Variants in METTL15 observed in about 807,000 individuals in gnomAD.
METTL15 encodes 12S rRNA N(4)-cytidine methyltransferase METTL15.
METTL15 carries 34 observed loss-of-function variants against 38.3 expected under a neutral mutation model. The ratio of observed to expected loss-of-function variants is 0.89; its 90% CI spans 0.68 to 1.18. METTL15 has a LOEUF of 1.18. Ranked by LOEUF, METTL15 falls within the 50% of genes most tolerant of loss-of-function variation. The pLI is 0.00. For missense variants in METTL15, 438 were observed against 498.4 expected (o/e 0.88, Z 1.15); for synonymous variants, 162 against 170.9 (o/e 0.95, Z 0.41).
intron 5 of METTL15, among the ~76,000 whole-genome samples, chr11:28,295,918 G>A (rs1375386016): frequency 1.3e-5 from 2 of 152,052 alleles, no homozygotes; most frequent in African/African-American, 4.8e-5. Flanking sequence ...TGCACCATTA[G>A]CAAAGCTATT....
At chr11:28,392,546 A>T (rs2133395174) in intron 5 of METTL15, among the ~76,000 whole-genome samples, 1 of 152,276 alleles carries the variant, frequency 6.6e-6, no homozygotes, top group Non-Finnish European at 1.5e-5. Context: ...GTAAGATGTG[A>T]AACTATGCCA....
chr11:28,504,314 G>A (rs1236566913), intron 6 of METTL15, among the ~76,000 whole-genome samples: 2 of 151,568 alleles, frequency 1.3e-5, no homozygotes, highest in Middle Eastern at 3.2e-3. Flanking sequence ...ACTACAACTT[G>A]AGCTAGTAGG....
intron 3 of METTL15, among the ~76,000 whole-genome samples, chr11:28,209,241 A>G (rs1270399717): frequency 1.3e-5 from 2 of 151,992 alleles, no homozygotes; most frequent in Non-Finnish European, 2.9e-5. Context: ...ATCTACTTTT[A>G]GTTTAAATCT....
chr11:28,197,590 T>C, intron 3 of METTL15: 1 of 399,820 alleles, frequency 2.5e-6, no homozygotes, highest in Non-Finnish European at 5.2e-6. Context: ...GGTGGTATAG[T>C]ATGGCCTTTT....
intron 6 of METTL15, among the ~76,000 whole-genome samples, chr11:28,303,681 A>G (rs915412043): frequency 6.6e-6 from 1 of 152,162 alleles, no homozygotes; most frequent in Non-Finnish European, 1.5e-5. Context: ...ATGCTTGTTG[A>G]ACAAATAAAT....
chr11:28,198,079 A>G (rs910470710), intron 3 of METTL15, among the ~76,000 whole-genome samples: 4 of 152,066 alleles, frequency 2.6e-5, no homozygotes, highest in African/African-American at 9.7e-5. Context: ...AGTAGTTAGT[A>G]TGTTCATTGG....
At chr11:28,526,972 C>T (rs1392978346) in exon 8 of METTL15, 1 of 152,002 alleles carries the variant, frequency 6.6e-6, no homozygotes, top group Non-Finnish European at 1.5e-5. Context: ...ACGGATCTAC[C>T]TATTTTTAGG....
chr11:28,276,911 C>A (rs944367810), intron 4 of METTL15, among the ~76,000 whole-genome samples: 1 of 152,090 alleles, frequency 6.6e-6, no homozygotes, highest in Admixed American at 6.5e-5. Context: ...ATATAAAAAT[C>A]AACTCAACAT....
At chr11:28,481,755 G>A (rs913647483) in intron 6 of METTL15, among the ~76,000 whole-genome samples, 1 of 152,098 alleles carries the variant, frequency 6.6e-6, no homozygotes, top group Non-Finnish European at 1.5e-5. Context: ...TCCAGTAGAG[G>A]GGTGTGTCAC....
intron 6 of METTL15, among the ~76,000 whole-genome samples, chr11:28,460,051 T>G (rs1177564720): frequency 6.6e-6 from 1 of 152,100 alleles, no homozygotes; most frequent in Admixed American, 6.6e-5. Context: ...TTTCCCATAA[T>G]AAGCCAGGTT....
At chr11:28,404,944 T>C (rs1269964579) in intron 5 of METTL15, among the ~76,000 whole-genome samples, 1 of 152,132 alleles carries the variant, frequency 6.6e-6, no homozygotes, top group Non-Finnish European at 1.5e-5. Flanking sequence ...CAGAGCTTAA[T>C]ATTTGTAAGA....
At chr11:28,295,288 A>G (rs763614695) in intron 5 of METTL15, among the ~76,000 whole-genome samples, 1 of 152,116 alleles carries the variant, frequency 6.6e-6, no homozygotes, top group Non-Finnish European at 1.5e-5. Context: ...TGAGGTTCTA[A>G]TAGGTTAAAA....
At chr11:28,207,533 G>A (rs1388488771) in intron 3 of METTL15, among the ~76,000 whole-genome samples, 5 of 151,760 alleles carry the variant, frequency 3.3e-5, no homozygotes, top group Admixed American at 1.3e-4. Flanking sequence ...GAGGATTTTT[G>A]CATCAGGGTT....
At chr11:28,325,980 C>T (rs981303485) in intron 6 of METTL15, among the ~76,000 whole-genome samples, 9 of 152,132 alleles carry the variant, frequency 5.9e-5, no homozygotes, top group African/African-American at 2.2e-4. Context: ...TGGACTATAA[C>T]ACACAAAAAG....
chr11:28,377,322 C>G (rs1432645775), intron 5 of METTL15, among the ~76,000 whole-genome samples: 2 of 152,074 alleles, frequency 1.3e-5, no homozygotes, highest in East Asian at 3.9e-4. Flanking sequence ...TTGGTCTTTT[C>G]ACATAGTCCC....
chr11:28,274,362 T>C (rs1253408476), intron 4 of METTL15, among the ~76,000 whole-genome samples: 8 of 152,020 alleles, frequency 5.3e-5, no homozygotes, highest in African/African-American at 1.7e-4. Flanking sequence ...CTACAGAGTT[T>C]TGAAGCTAAT....
intron 4 of METTL15, among the ~76,000 whole-genome samples, chr11:28,359,309 A>G (rs1049595550): frequency 1.3e-5 from 2 of 152,184 alleles, no homozygotes; most frequent in African/African-American, 4.8e-5. Context: ...TGTATGTACC[A>G]TGTTTTCTTT....
intron 5 of METTL15, among the ~76,000 whole-genome samples, chr11:28,291,430 A>G (rs986982091): frequency 2.0e-5 from 3 of 152,160 alleles, no homozygotes; most frequent in Non-Finnish European, 4.4e-5. Flanking sequence ...GACCTAGGGA[A>G]TGGACAGCCT....
chr11:28,301,220 G>T (rs1242212270), intron 6 of METTL15, among the ~76,000 whole-genome samples: 1 of 151,986 alleles, frequency 6.6e-6, no homozygotes, highest in African/African-American at 2.4e-5. Context: ...TCATTCACCT[G>T]CAGGCCTTGG....
Sources: allele counts gnomAD v4.1 joint callset (sites outside exome capture counted in the v4.1 genomes callset), GRCh38; gene constraint gnomAD v4.1.1; transcripts MANE v1.5; gene names NCBI Gene and HGNC (gene_info 2026-07-23, HGNC 2026-07-21).